RUNDC3B: variants seen among roughly 807,000 people sequenced by gnomAD.
The protein encoded by RUNDC3B is RUN domain-containing protein 3B.
In RUNDC3B, 33 loss-of-function variants were observed where a neutral mutation model predicts 58.4. The observed-to-expected ratio is 0.56, with a 90% CI of 0.43 to 0.75. The LOEUF (loss-of-function observed/expected upper bound fraction) is 0.75. RUNDC3B is among the 30% of genes least tolerant of loss of function. The probability of loss-of-function intolerance (pLI) is 0.00; values close to 1 mark genes in which losing one functional copy is unlikely to be tolerated. For synonymous variants in RUNDC3B, 193 were observed against 195.2 expected (o/e 0.99, Z 0.10); for missense variants, 501 against 535.7 (o/e 0.94, Z 0.64).
intron 1 of RUNDC3B, among the ~76,000 whole-genome samples, chr7:87,635,770 T>C (rs1380326839): frequency 6.6e-6 from 1 of 152,200 alleles, no homozygotes; most frequent in African/African-American, 2.4e-5. Context: ...CTTGCTTTCT[T>C]GTAGTTAATA....
chr7:87,680,793 CA>C (rs1023955421), intron 2 of RUNDC3B, among the ~76,000 whole-genome samples: 1 of 142,332 alleles, frequency 7.0e-6, no homozygotes, highest in Middle Eastern at 3.5e-3. Context: ...AACTCCATCT[CA>C]AAAAAAAGAA....
chr7:87,723,576 C>T (rs1431098819), intron 4 of RUNDC3B, among the ~76,000 whole-genome samples: 1 of 152,070 alleles, frequency 6.6e-6, no homozygotes, highest in Admixed American at 6.6e-5. Flanking sequence ...AATACATATG[C>T]TGTATAAATA....
In RUNDC3B at chr7:87,677,440, A is replaced by G. The variant is rs534584327; in HGVS notation, c.239-22981A>G. 5.9e-5 allele frequency among the ~76,000 whole-genome samples: 9 copies of G among 152,186 alleles called. No homozygotes were observed. The East Asian group carries it at 1.7e-3, about 29-fold the overall frequency. ...GACACAGAAAGACAAATACCACGTG[A>G]TCTCATGTATTAGATATGGAGCCTA... On this transcript the variant is annotated intron_variant, in intron 2 of 10. Transcript: ENST00000394654.
At chr7:87,699,315 AC>A (rs1828796406) in intron 2 of RUNDC3B, among the ~76,000 whole-genome samples, 3 of 152,232 alleles carry the variant, frequency 2.0e-5, no homozygotes, top group Admixed American at 2.0e-4. Flanking sequence ...ATACTAGACA[AC>A]TAAAGAAAGT....
intron 8 of RUNDC3B, among the ~76,000 whole-genome samples, chr7:87,791,668 C>T (rs186799302): frequency 5.9e-5 from 9 of 151,704 alleles, no homozygotes; most frequent in Admixed American, 2.0e-4. Flanking sequence ...GGTTATAAGA[C>T]AGAATTTGGA....
At chr7:87,675,943 G>T (rs527769843) in intron 2 of RUNDC3B, among the ~76,000 whole-genome samples, 1 of 152,334 alleles carries the variant, frequency 6.6e-6, no homozygotes, top group Admixed American at 6.5e-5. Context: ...CAAGCCAAGT[G>T]TAGTGGCTCA....
chr7:87,631,547 C>A (rs28381765), intron 1 of RUNDC3B, among the ~76,000 whole-genome samples: 3 of 152,184 alleles, frequency 2.0e-5, no homozygotes, highest in Non-Finnish European at 4.4e-5. Flanking sequence ...CCCGCCACCA[C>A]GCCCGGCTAA....
At chr7:87,736,863 ATATATATATATATATATATATATATATT>A in intron 4 of RUNDC3B, among the ~76,000 whole-genome samples, 1 of 34,900 alleles carries the variant, frequency 2.9e-5, no homozygotes, top group East Asian at 7.5e-4. Context: ...ACCTATATAT[ATATATATATATATATATATATATATATT>A]TTTTTTTTTT....
chr7:87,746,927 C>T (rs1007741390), intron 6 of RUNDC3B, among the ~76,000 whole-genome samples: 2 of 152,040 alleles, frequency 1.3e-5, no homozygotes, highest in Non-Finnish European at 2.9e-5. Flanking sequence ...TTCTCTGGTC[C>T]CTCCATGATT....
At chr7:87,753,007 T>G (rs1220376418) in intron 6 of RUNDC3B, among the ~76,000 whole-genome samples, 48 of 152,048 alleles carry the variant, frequency 3.2e-4, no homozygotes, top group African/African-American at 7.5e-4. Flanking sequence ...TCTCTTGTGG[T>G]CATTTAGTGC....
intron 9 of RUNDC3B, among the ~76,000 whole-genome samples, chr7:87,813,024 T>C (rs1007900494): frequency 6.6e-6 from 1 of 152,218 alleles, no homozygotes; most frequent in Non-Finnish European, 1.5e-5. Context: ...TCCTCCTAGA[T>C]AGTGGATTTG....
intron 2 of RUNDC3B, among the ~76,000 whole-genome samples, chr7:87,670,154 G>A (rs1269515241): frequency 6.6e-6 from 1 of 152,082 alleles, no homozygotes; most frequent in Non-Finnish European, 1.5e-5. Flanking sequence ...CTTCTCACAG[G>A]TTTTGTTTAT....
At chr7:87,680,437 A>C (rs1179713834) in intron 2 of RUNDC3B, among the ~76,000 whole-genome samples, 1 of 150,768 alleles carries the variant, frequency 6.6e-6, no homozygotes, top group Non-Finnish European at 1.5e-5. Flanking sequence ...GAAATTTAAA[A>C]CATTAAAAAC....
At chr7:87,646,964 T>A (rs150905540) in intron 1 of RUNDC3B, among the ~76,000 whole-genome samples, 2 of 152,226 alleles carry the variant, frequency 1.3e-5, no homozygotes, top group Non-Finnish European at 2.9e-5. Flanking sequence ...TGATAATTTA[T>A]TCCATTGAGC....
intron 8 of RUNDC3B, among the ~76,000 whole-genome samples, chr7:87,788,352 G>A (rs1338576329): frequency 6.6e-6 from 1 of 152,178 alleles, no homozygotes; most frequent in African/African-American, 2.4e-5. Context: ...ATTCCAGTCT[G>A]GGAAACAGAG....
intron 2 of RUNDC3B, among the ~76,000 whole-genome samples, chr7:87,677,436 C>T (rs555254167): frequency 4.6e-5 from 7 of 151,572 alleles, no homozygotes; most frequent in South Asian, 4.2e-4. Flanking sequence ...ACAAATACCA[C>T]GTGATCTCAT....
At chr7:87,787,367 G>A (rs1361007984) in intron 8 of RUNDC3B, among the ~76,000 whole-genome samples, 5 of 152,054 alleles carry the variant, frequency 3.3e-5, no homozygotes, top group Non-Finnish European at 1.5e-5. Context: ...AATTGTAAAG[G>A]AAAAGGCCAG....
At chr7:87,634,186 A>G (rs922216274) in intron 1 of RUNDC3B, among the ~76,000 whole-genome samples, 19 of 152,188 alleles carry the variant, frequency 1.2e-4, no homozygotes, top group Admixed American at 1.2e-3. Context: ...CCATTCATGA[A>G]GTATCCACCC....
At chr7:87,629,362 G>T (rs148946967) in intron 1 of RUNDC3B, 12 of 159,878 alleles carry the variant, frequency 7.5e-5, no homozygotes, top group Non-Finnish European at 1.2e-4. Flanking sequence ...GCATTTCGTT[G>T]TTTTGGCTTG....
Sources: allele counts gnomAD v4.1 joint callset (sites outside exome capture counted in the v4.1 genomes callset), GRCh38; gene constraint gnomAD v4.1.1; transcripts MANE v1.5; gene names NCBI Gene and HGNC (gene_info 2026-07-23, HGNC 2026-07-21).